The following KCNMB4 variants were observed in gnomAD, a reference collection of about 807,000 sequenced individuals.
KCNMB4 encodes potassium calcium-activated channel subfamily M regulatory beta subunit 4, also known as calcium-activated potassium channel subunit beta-4.
KCNMB4 carries 3 observed loss-of-function variants against 20.7 expected under a neutral mutation model. The observed-to-expected ratio is 0.14, with a 90% CI of 0.07 to 0.37. The LOEUF is 0.37. Ranked by LOEUF, KCNMB4 falls within the 10% of genes least tolerant of loss-of-function variation. The probability of loss-of-function intolerance (pLI) is 1.00; values close to 1 mark genes in which losing one functional copy is unlikely to be tolerated. For synonymous variants in KCNMB4, 110 were observed against 113.4 expected (o/e 0.97, Z 0.19); for missense variants, 168 against 265.9 (o/e 0.63, Z 2.56).
At chr12:70,416,716 A>G (rs752180250) in intron 2 of KCNMB4, among the ~76,000 whole-genome samples, 9 of 152,208 alleles carry the variant, frequency 5.9e-5, no homozygotes, top group Admixed American at 1.3e-4. Context: ...TGCTTGACAG[A>G]CTACAACAAA....
rs796566552 is a variant in KCNMB4 at position 70,413,478 on chromosome 12, C to G, written c.464+13142C>G. Among the ~76,000 whole-genome samples the G allele has an allele frequency of 5.4e-4, 80 of 148,890 alleles. 1 individual carries two copies. The highest frequency in any genetic ancestry group is 1.8e-3 in the African/African-American group (75 of 41,478). On this transcript the variant is annotated intron_variant, in intron 2 of 2. Coordinates refer to ENST00000258111, the MANE Select transcript of KCNMB4 (RefSeq NM_014505.6). ...CAGGGCAGGGCTGTGCGTCAGGAGA[C>G]TCCACTCCATTTCTATCCATGGCTC...
rs1181400868 is a variant in KCNMB4 at position 70,432,140 on chromosome 12, C to T, written c.*1487C>T. On this transcript the variant is annotated 3_prime_UTR_variant, in exon 3 of 3. Transcript: ENST00000258111. ...CACCTCCTGGGTTCAAGTCATTCCT[C>T]TGCCTCAGCCTCCCGAGTAGCTGGG... 6.6e-6 allele frequency: 1 copy of T among 150,864 alleles called. No individual in the cohort carries two copies. The highest frequency in any genetic ancestry group is 1.5e-5 in the Non-Finnish European group (1 of 68,042). 9.3% of individuals were successfully genotyped at this position (150,864 alleles called of 1,614,324 possible).
chr12:70,390,266 G>C (rs954572587), intron 1 of KCNMB4, among the ~76,000 whole-genome samples: 1 of 152,144 alleles, frequency 6.6e-6, no homozygotes, highest in Non-Finnish European at 1.5e-5. Flanking sequence ...AAAAGAGAAG[G>C]TGCCTTGGGA....
At chr12:70,428,800 A>G (rs1023534125) in intron 2 of KCNMB4, among the ~76,000 whole-genome samples, 15 of 152,232 alleles carry the variant, frequency 9.9e-5, no homozygotes, top group Non-Finnish European at 1.9e-4. Context: ...CAATGTATAC[A>G]CATATACTAA....
intron 1 of KCNMB4, among the ~76,000 whole-genome samples, chr12:70,392,448 C>A (rs1013073775): frequency 1.3e-5 from 2 of 152,038 alleles, no homozygotes; most frequent in African/African-American, 2.4e-5. Context: ...CCAGAAATAC[C>A]ATTTGACCCA....
intron 2 of KCNMB4, among the ~76,000 whole-genome samples, chr12:70,401,626 A>T (rs1265361413): frequency 6.8e-6 from 1 of 147,838 alleles, no homozygotes; most frequent in East Asian, 2.0e-4. Flanking sequence ...GGCTTACTAC[A>T]GCAATGACAC....
chr12:70,398,916 T>C (rs1343371674), intron 1 of KCNMB4, among the ~76,000 whole-genome samples: 1 of 152,048 alleles, frequency 6.6e-6, no homozygotes, highest in East Asian at 1.9e-4. Context: ...CACTTAACTG[T>C]GGTAGAAGAA....
intron 2 of KCNMB4, among the ~76,000 whole-genome samples, chr12:70,424,722 C>G (rs903904765): frequency 6.6e-6 from 1 of 151,982 alleles, no homozygotes; most frequent in Non-Finnish European, 1.5e-5. Context: ...TGCACTCCAG[C>G]CTGGGCGACA....
Position 70,423,466 on chromosome 12 carries a change from T to C in KCNMB4, c.465-7019T>C, listed in dbSNP as rs572345182. 3.7e-4 allele frequency among the ~76,000 whole-genome samples: 56 copies of C among 152,026 alleles called. 1 individual carries two copies. The highest frequency in any genetic ancestry group is 1.3e-3 in the African/African-American group (54 of 41,478). On this transcript the variant is annotated intron_variant, in intron 2 of 2. Transcript: ENST00000258111. ...TGTTATAATACCTCCCTAGCCTTTT[T>C]CTTTTTCATCTTTTTTTTTTGGAGA...
chr12:70,398,776 C>G (rs181829081), intron 1 of KCNMB4, among the ~76,000 whole-genome samples: 1 of 152,190 alleles, frequency 6.6e-6, no homozygotes, highest in Non-Finnish European at 1.5e-5. Context: ...ATAGAAAAGA[C>G]AGAAAACAGG....
chr12:70,417,022 T>C (rs1372373119), intron 2 of KCNMB4, among the ~76,000 whole-genome samples: 2 of 152,204 alleles, frequency 1.3e-5, no homozygotes, highest in African/African-American at 4.8e-5. Context: ...ACCCAGGATA[T>C]ATTTTTCAAA....
intron 2 of KCNMB4, among the ~76,000 whole-genome samples, chr12:70,418,753 T>C (rs1323861185): frequency 6.6e-6 from 1 of 152,076 alleles, no homozygotes; most frequent in Non-Finnish European, 1.5e-5. Flanking sequence ...AGAAGATACA[T>C]TGACATTTGG....
chr12:70,427,482 A>G lies in KCNMB4; in HGVS notation c.465-3003A>G, dbSNP rs775095833. Among the ~76,000 whole-genome samples, 74 of 152,356 alleles carry G rather than the reference A, an allele frequency of 4.9e-4. 2 individuals are homozygous for G. The highest frequency in any genetic ancestry group is 3.4e-3 in the Middle Eastern group (1 of 294). On this transcript the variant is annotated intron_variant, in intron 2 of 2. Coordinates refer to ENST00000258111, the MANE Select transcript of KCNMB4 (RefSeq NM_014505.6). The stretch of plus-strand genomic sequence containing the variant: ...GTGGAAACGGACATGAATTATTTTT[A>G]AAGAAATGTGTACATTTATATATAA...
chr12:70,422,783 G>A (rs965508232), intron 2 of KCNMB4: 24 of 1,269,214 alleles, frequency 1.9e-5, no homozygotes, highest in South Asian at 2.6e-5. Flanking sequence ...ATAGGCCCCC[G>A]ATCTCAGGGT....
intron 1 of KCNMB4, among the ~76,000 whole-genome samples, chr12:70,370,317 T>G (rs201178891): frequency 2.7e-5 from 4 of 149,748 alleles, no homozygotes; most frequent in Admixed American, 1.4e-4. Flanking sequence ...GTTTTTTTGT[T>G]TTTTTTTTGA....
At chr12:70,400,834 A>G (rs1239273952) in intron 2 of KCNMB4, among the ~76,000 whole-genome samples, 2 of 152,172 alleles carry the variant, frequency 1.3e-5, no homozygotes, top group Non-Finnish European at 2.9e-5. Flanking sequence ...TCAAACATTT[A>G]TTGAGTATTC....
At chr12:70,413,660 T>A (rs1868842407) in intron 2 of KCNMB4, among the ~76,000 whole-genome samples, 1 of 152,206 alleles carries the variant, frequency 6.6e-6, no homozygotes, top group African/African-American at 2.4e-5. Context: ...GAGACACTTT[T>A]CATTCATTTG....
Position 70,430,458 on chromosome 12 carries a change from T to C in KCNMB4, c.465-27T>C, listed in dbSNP as rs965959658. ...AGTGCCAAGGCATTTGACTGCCCTTTCTTTCTTATTCTCCATTGTCTTGCA... is the reference window on the plus strand; with the variant it reads ...AGTGCCAAGGCATTTGACTGCCCTTCCTTTCTTATTCTCCATTGTCTTGCA... On this transcript the variant is annotated intron_variant, in intron 2 of 2. Transcript: ENST00000258111. 1.9e-6 allele frequency: 3 copies of C among 1,611,172 alleles called. No individual in the cohort carries two copies. In the African/African-American group the frequency reaches 4.0e-5, roughly 22 times the overall value.
Position 70,387,501 on chromosome 12 carries a change from C to T in KCNMB4, c.337-12708C>T, listed in dbSNP as rs1302983341. Among the ~76,000 whole-genome samples the T allele has an allele frequency of 2.7e-5, 4 of 148,792 alleles. No individual in the cohort carries two copies. In the South Asian group the frequency reaches 6.3e-4, roughly 24 times the overall value. On this transcript the variant is annotated intron_variant, in intron 1 of 2. Transcript: ENST00000258111. ...CACTGCAACCTCCTTCTACCAGTTTCAAGCAATTCTCCTGCCTCAGCCTCC... is the reference window on the plus strand; with the variant it reads ...CACTGCAACCTCCTTCTACCAGTTTTAAGCAATTCTCCTGCCTCAGCCTCC...
Sources: gnomAD v4.1 joint callset for allele counts (sites outside exome capture counted in the v4.1 genomes callset) on GRCh38, gnomAD v4.1.1 for gene constraint, MANE v1.5 for transcripts, NCBI Gene and HGNC (gene_info 2026-07-23, HGNC 2026-07-21) for gene names.